The following SNRNP70 variants were observed in gnomAD, a reference collection of about 807,000 sequenced individuals.
SNRNP70 encodes the protein small nuclear ribonucleoprotein U1 subunit 70, also known as U1 small nuclear ribonucleoprotein 70 kDa.
A neutral mutation model predicts 50.5 loss-of-function variants in SNRNP70; 8 were observed. The observed-to-expected ratio is 0.16, with a 90% CI of 0.09 to 0.29. The LOEUF is 0.29. Ranked by LOEUF, SNRNP70 falls within the 10% of genes least tolerant of loss-of-function variation. The pLI is 1.00. For synonymous variants in SNRNP70, 320 were observed against 252.9 expected (o/e 1.27, Z -2.52); for missense variants, 529 against 663.5 (o/e 0.80, Z 2.23).
In SNRNP70 at chr19:49,090,462, A is replaced by T; in HGVS notation, c.211-4A>T. The T allele has an allele frequency of 6.2e-7, 1 of 1,613,878 alleles. No individual in the cohort carries two copies. Among genetic ancestry groups the T allele is most frequent in the Non-Finnish European group, 8.5e-7 (1 of 1,179,932 alleles). ...ACTTCTCCACCTCCCCTTTCTCCTG[A>T]CAGAGACGGGAAAAGATTGAGCGGC... On this transcript the variant is annotated splice_polypyrimidine_tract_variant and splice_region_variant and intron_variant, in intron 3 of 9. Coordinates refer to ENST00000598441, the MANE Select transcript of SNRNP70 (RefSeq NM_003089.6).
At chr19:49,096,199 A>G (rs924045139) in intron 4 of SNRNP70, among the ~76,000 whole-genome samples, 4 of 151,784 alleles carry the variant, frequency 2.6e-5, no homozygotes, top group African/African-American at 9.7e-5. Flanking sequence ...CTGGGACTAT[A>G]GGCGCACACC....
At chr19:49,094,983 C>T (rs1004472864) in intron 4 of SNRNP70, among the ~76,000 whole-genome samples, 4 of 152,248 alleles carry the variant, frequency 2.6e-5, no homozygotes, top group Admixed American at 6.5e-5. Flanking sequence ...TAGATGAGCC[C>T]TCAACCAGTG....
At chr19:49,088,760 G>T (rs2040413644) in intron 2 of SNRNP70, among the ~76,000 whole-genome samples, 1 of 152,154 alleles carries the variant, frequency 6.6e-6, no homozygotes, top group Non-Finnish European at 1.5e-5. Context: ...CTCCCAAAGT[G>T]CTGGGATTAC....
intron 4 of SNRNP70, 101 bp downstream of exon 4, chr19:49,090,621 G>T: frequency 9.0e-7 from 1 of 1,108,532 alleles, no homozygotes; most frequent in Non-Finnish European, 1.4e-6. Flanking sequence ...GGCCTGTGTT[G>T]TGGGGAACAG....
intron 8 of SNRNP70, among the ~76,000 whole-genome samples, chr19:49,106,085 G>T (rs1197024253): frequency 2.0e-5 from 3 of 152,208 alleles, no homozygotes; most frequent in Non-Finnish European, 4.4e-5. Context: ...CTGCCTCCCA[G>T]CCCTGTGTCC....
At chr19:49,090,564 C>G in intron 4 of SNRNP70, 44 bp downstream of exon 4, 1 of 1,578,548 alleles carries the variant, frequency 6.3e-7, no homozygotes, top group Non-Finnish European at 8.7e-7. Flanking sequence ...CTCCCAAACC[C>G]TCTGTATTCT....
In SNRNP70 at chr19:49,104,527, G is replaced by A; in HGVS notation, c.476-107G>A. 1.2e-6 allele frequency: 1 copy of A among 832,730 alleles called. No homozygotes were observed. The allele number at this position is 832,730 out of a possible 1,614,324, so 51.6% of individuals were successfully genotyped here. ...GGCTGTCTGTTGGGCGTGTGCGTGT[G>A]CGTGATGATGGGGACACGGGGCGGG... is the stretch of plus-strand genomic sequence containing the variant. On this transcript the variant is annotated intron_variant, in intron 7 of 9. Coordinates refer to ENST00000598441, the MANE Select transcript of SNRNP70 (RefSeq NM_003089.6). This position sits in a 1 kb window ranked among gnomAD's most constrained non-coding sequence, Gnocchi z 5.4.
intron 2 of SNRNP70, among the ~76,000 whole-genome samples, chr19:49,089,926 G>A (rs1392498961): frequency 1.3e-5 from 2 of 152,012 alleles, no homozygotes; most frequent in Non-Finnish European, 2.9e-5. Flanking sequence ...GCCTCCCAAA[G>A]TGCTGGGATT....
At chr19:49,085,901 C>G (rs2040371933) in intron 1 of SNRNP70, among the ~76,000 whole-genome samples, 1 of 152,206 alleles carries the variant, frequency 6.6e-6, no homozygotes, top group Admixed American at 6.6e-5. Flanking sequence ...GGACCCTTAC[C>G]CATAATTCCT....
intron 4 of SNRNP70, among the ~76,000 whole-genome samples, chr19:49,097,480 G>C (rs1026045101): frequency 6.6e-6 from 1 of 152,086 alleles, no homozygotes; most frequent in Non-Finnish European, 1.5e-5. Context: ...TCATCACCAG[G>C]GTCTGATTTT....
intron 7 of SNRNP70, among the ~76,000 whole-genome samples, chr19:49,101,890 G>A (rs2040592921): frequency 6.6e-6 from 1 of 151,830 alleles, no homozygotes; most frequent in South Asian, 2.1e-4. Flanking sequence ...TAGAACTGGG[G>A]CTGGGCCACC....
chr19:49,090,813 A>G (rs1399171329), intron 4 of SNRNP70, among the ~76,000 whole-genome samples: 1 of 152,124 alleles, frequency 6.6e-6, no homozygotes, highest in East Asian at 1.9e-4. Flanking sequence ...CACAGGCTGA[A>G]GTGGTGGGTT....
intron 8 of SNRNP70, among the ~76,000 whole-genome samples, chr19:49,106,333 C>T (rs374756025): frequency 3.3e-5 from 5 of 152,312 alleles, no homozygotes; most frequent in South Asian, 4.1e-4. Flanking sequence ...CATCTTGACT[C>T]GGTGCACCCG....
intron 2 of SNRNP70, among the ~76,000 whole-genome samples, chr19:49,089,829 A>AT (rs1168406566): frequency 2.0e-5 from 3 of 151,084 alleles, no homozygotes; most frequent in African/African-American, 7.3e-5. Context: ...CGCCCGGCTA[A>AT]TTTTTTGTAT....
chr19:49,107,899 C>T lies in SNRNP70; in HGVS notation c.770C>T (p.Ser257Phe). 6.5e-7 allele frequency: 1 copy of T among 1,548,378 alleles called. No homozygotes were observed. Among genetic ancestry groups the T allele is most frequent in the Non-Finnish European group, 8.7e-7 (1 of 1,146,916 alleles). The change falls in exon 10 of 10, where the codon TCC (serine) becomes TTC (phenylalanine). Residue 257 changes from serine to phenylalanine, a missense_variant. Physicochemically the swap from Ser to Phe is radical, Grantham distance 155 (BLOSUM62 -2). Around this residue, in one of 4 missense-constraint regions of SNRNP70, gnomAD observed 327 missense variants for 308.8 expected, o/e 1.06. Transcript: ENST00000598441. The surrounding 1 kb of genome is among the most constrained non-coding windows in gnomAD (Gnocchi z 6.0). ...GACAAGGAGCGAGAACGGCGACGCT[C>T]CCGCTCCCGGGACCGGCGGAGGCGC... is the stretch of plus-strand genomic sequence containing the variant. ...ERDKERERRR[S>F]RSRDRRRRSR... is the part of the protein sequence containing the mutation.
chr19:49,089,910 G>A (rs2040427398), intron 2 of SNRNP70, among the ~76,000 whole-genome samples: 1 of 151,964 alleles, frequency 6.6e-6, no homozygotes, highest in South Asian at 2.1e-4. Context: ...TGATCCGCCT[G>A]CCTCGGCCTC....
chr19:49,105,765 C>T (rs1160104911), intron 8 of SNRNP70, among the ~76,000 whole-genome samples: 1 of 152,086 alleles, frequency 6.6e-6, no homozygotes, highest in Non-Finnish European at 1.5e-5. Flanking sequence ...ACTGGGGCGA[C>T]CCACCTGTGA....
At chr19:49,101,940 C>A (rs897245312) in intron 7 of SNRNP70, among the ~76,000 whole-genome samples, 1 of 151,888 alleles carries the variant, frequency 6.6e-6, no homozygotes, top group African/African-American at 2.4e-5. Context: ...CCACCCTGTT[C>A]CTCAGCGGGC....
At chr19:49,098,576 G>C in intron 5 of SNRNP70, 66 bp from the exon 6 acceptor site, 1 of 1,593,926 alleles carries the variant, frequency 6.3e-7, no homozygotes, top group East Asian at 2.2e-5. Context: ...TAGGTACAGG[G>C]GAATGTTCCA....
Sources: allele counts gnomAD v4.1 joint callset (sites outside exome capture counted in the v4.1 genomes callset), GRCh38; gene constraint gnomAD v4.1.1; regional missense constraint gnomAD v4.1.1; non-coding constraint Gnocchi (gnomAD v3.1); transcripts MANE v1.5; gene names NCBI Gene and HGNC (gene_info 2026-07-23, HGNC 2026-07-21).